The following RXFP1 variants were observed in gnomAD, a reference collection of about 807,000 sequenced individuals.
RXFP1 encodes the protein relaxin receptor 1.
In RXFP1, 73 loss-of-function variants were observed where a neutral mutation model predicts 89.8. The observed-to-expected ratio is 0.81, with a 90% CI of 0.67 to 0.99. The LOEUF (loss-of-function observed/expected upper bound fraction) is 0.99. Ranked by LOEUF, RXFP1 falls within the 50% of genes least tolerant of loss-of-function variation. The pLI, the probability that RXFP1 is intolerant of heterozygous loss-of-function variation, is 0.00. For synonymous variants in RXFP1, 277 were observed against 305.5 expected (o/e 0.91, Z 0.97); for missense variants, 793 against 895.5 (o/e 0.89, Z 1.46).
chr4:158,623,146 G>T (rs1765951584), intron 9 of RXFP1, among the ~76,000 whole-genome samples: 1 of 151,926 alleles, frequency 6.6e-6, no homozygotes, highest in African/African-American at 2.4e-5. Context: ...ACACACCAAA[G>T]AAATTAATAT....
chr4:158,646,583 T>C, intron 15 of RXFP1: 1 of 1,392,188 alleles, frequency 7.2e-7, no homozygotes, highest in Non-Finnish European at 9.3e-7. Flanking sequence ...CATAATTAAC[T>C]GTAGAGAGTA....
intron 1 of RXFP1, among the ~76,000 whole-genome samples, chr4:158,546,559 T>C (rs993221918): frequency 1.3e-5 from 2 of 152,180 alleles, no homozygotes; most frequent in Non-Finnish European, 2.9e-5. Flanking sequence ...CCAGTTTTTG[T>C]CTATTCAGTA....
chr4:158,555,736 T>C (rs934245646), intron 1 of RXFP1, among the ~76,000 whole-genome samples: 2 of 152,206 alleles, frequency 1.3e-5, no homozygotes, highest in African/African-American at 4.8e-5. Flanking sequence ...ATCTACCTAA[T>C]TTCAAAGGAT....
At chr4:158,642,965 A>G (rs1464178296) in intron 14 of RXFP1, among the ~76,000 whole-genome samples, 1 of 152,208 alleles carries the variant, frequency 6.6e-6, no homozygotes, top group East Asian at 1.9e-4. Context: ...TGTTTGATTT[A>G]CATAGGGCCC....
Position 158,594,536 on chromosome 4 carries a change from T to C in RXFP1, c.286+1037T>C, listed in dbSNP as rs532513551. On this transcript the variant is annotated intron_variant, in intron 3 of 17. Transcript: ENST00000307765. ...TTTGCTGATCTTCTAGTGCCTAAAA[T>C]AAATAGTGCTTTGCACATAGTGAGC... Among the ~76,000 whole-genome samples the C allele has an allele frequency of 5.3e-5, 8 of 152,122 alleles. No individual in the cohort carries two copies. In the South Asian group the frequency reaches 6.2e-4, roughly 12 times the overall value.
intron 4 of RXFP1, among the ~76,000 whole-genome samples, chr4:158,604,476 C>G (rs1355526327): frequency 6.6e-6 from 1 of 152,096 alleles, no homozygotes; most frequent in Non-Finnish European, 1.5e-5. Context: ...TGGGACCTTT[C>G]CAGTACAACC....
At chr4:158,644,820 C>A (rs2150254867) in intron 14 of RXFP1, 89 bp from the exon 15 acceptor site, 2 of 878,506 alleles carry the variant, frequency 2.3e-6, no homozygotes, top group Admixed American at 2.5e-5. Context: ...CATTTTCTTT[C>A]TACCGATAAA....
intron 12 of RXFP1, among the ~76,000 whole-genome samples, chr4:158,634,466 G>A (rs1044782230): frequency 1.3e-5 from 2 of 152,084 alleles, no homozygotes; most frequent in African/African-American, 4.8e-5. Flanking sequence ...TTCTCCCATT[G>A]TATGGGCTGC....
At chr4:158,540,084 AG>A (rs1746230578) in intron 1 of RXFP1, among the ~76,000 whole-genome samples, 1 of 152,176 alleles carries the variant, frequency 6.6e-6, no homozygotes, top group African/African-American at 2.4e-5. Context: ...GTTAGCAGAA[AG>A]GGGTCCCGAT....
intron 9 of RXFP1, among the ~76,000 whole-genome samples, chr4:158,623,342 C>CA (rs35034196): frequency 0.073 from 7,808 of 106,282 alleles, 752 homozygotes; most frequent in African/African-American, 0.21. Context: ...CTACTAAATA[C>CA]AAAAAAAAAA....
intron 1 of RXFP1, among the ~76,000 whole-genome samples, chr4:158,548,874 G>C (rs1188880963): frequency 6.6e-6 from 1 of 152,066 alleles, no homozygotes. Context: ...CTCTCTGGCT[G>C]CCCTTAACAT....
chr4:158,533,787 T>C (rs758667158), intron 1 of RXFP1, among the ~76,000 whole-genome samples: 7 of 152,218 alleles, frequency 4.6e-5, no homozygotes, highest in Admixed American at 2.0e-4. Context: ...CAATGGTTCC[T>C]CATATTTCAC....
intron 17 of RXFP1, among the ~76,000 whole-genome samples, 166 bp downstream of exon 17, chr4:158,648,883 C>T (rs981984066): frequency 2.0e-5 from 3 of 152,282 alleles, no homozygotes; most frequent in Non-Finnish European, 4.4e-5. Context: ...GAGGCCAAGA[C>T]GGGCAGCTCA....
intron 2 of RXFP1, among the ~76,000 whole-genome samples, chr4:158,574,004 T>A (rs1262353444): frequency 3.3e-5 from 5 of 152,206 alleles, no homozygotes; most frequent in African/African-American, 1.2e-4. Flanking sequence ...ACCTCTGGAT[T>A]TATAAAGCCA....
intron 8 of RXFP1, among the ~76,000 whole-genome samples, chr4:158,613,105 AT>A (rs528499338): frequency 1.8e-3 from 279 of 152,332 alleles, no homozygotes; most frequent in African/African-American, 6.3e-3. Flanking sequence ...CAATAACATT[AT>A]GTTTAAAAAT....
At chr4:158,599,163 C>A in intron 3 of RXFP1, 163 bp from the exon 4 acceptor site, 2 of 1,112,274 alleles carry the variant, frequency 1.8e-6, no homozygotes, top group Non-Finnish European at 2.5e-6. Flanking sequence ...TAAAAGCAAA[C>A]TTTGGAGCCT....
chr4:158,608,131 A>G (rs1468039759), intron 6 of RXFP1, 88 bp downstream of exon 6: 5 of 853,100 alleles, frequency 5.9e-6, no homozygotes, highest in East Asian at 5.1e-5. Flanking sequence ...CCTGTCCATG[A>G]CAGTACCAAG....
At chr4:158,597,414 C>T (rs1361485928) in intron 3 of RXFP1, among the ~76,000 whole-genome samples, 1 of 152,154 alleles carries the variant, frequency 6.6e-6, no homozygotes, top group Non-Finnish European at 1.5e-5. Context: ...CATTCAGAAG[C>T]TACCAGCATT....
rs139718721 is a variant in RXFP1, at chr4:158,522,226, T to C, written c.49+201T>C. Among the ~76,000 whole-genome samples, 966 of 152,296 alleles carry C rather than the reference T, an allele frequency of 6.3e-3. 10 individuals are homozygous for C. Among genetic ancestry groups the C allele is most frequent in the African/African-American group, 0.022 (908 of 41,568 alleles). ...CATAATATCTTATCATAGTCAATAGTGAAGCGAGACTGATGTGCCGTGTAA... is the reference window on the plus strand; with the variant it reads ...CATAATATCTTATCATAGTCAATAGCGAAGCGAGACTGATGTGCCGTGTAA... On this transcript the variant is annotated intron_variant, in intron 1 of 17. Coordinates refer to ENST00000307765, the MANE Select transcript of RXFP1 (RefSeq NM_021634.4).
Sources: gnomAD v4.1 joint callset for allele counts (sites outside exome capture counted in the v4.1 genomes callset) on GRCh38, gnomAD v4.1.1 for gene constraint, MANE v1.5 for transcripts, NCBI Gene and HGNC (gene_info 2026-07-23, HGNC 2026-07-21) for gene names.